The following ARHGEF10L variants were observed in gnomAD, a reference collection of about 807,000 sequenced individuals.
The protein encoded by ARHGEF10L is Rho guanine nucleotide exchange factor 10 like, also known as rho guanine nucleotide exchange factor 10-like protein.
Under a neutral mutation model 141.2 loss-of-function variants are expected in ARHGEF10L, and 69 were observed. That is an observed-to-expected ratio of 0.49 (90% confidence interval 0.40 to 0.60). ARHGEF10L has a LOEUF of 0.60. Among genes scored for constraint, ARHGEF10L ranks in the 20% least tolerant of loss-of-function variants. The pLI, the probability that ARHGEF10L is intolerant of heterozygous loss-of-function variation, is 0.00. For missense variants in ARHGEF10L, 1,482 were observed against 1,734.3 expected (o/e 0.85, Z 2.58); for synonymous variants, 711 against 718.5 (o/e 0.99, Z 0.17).
In ARHGEF10L at chr1:17,656,580, C is replaced by G; in HGVS notation, c.2732C>G (p.Thr911Ser). 1 of 1,613,270 alleles carries G rather than the reference C, an allele frequency of 6.2e-7. No homozygotes were observed. The highest frequency in any genetic ancestry group is 1.1e-5 in the South Asian group (1 of 91,014). ...GSILLYSSVD[T>S]GTQCLVSCRS... ...ATCCTCCTCTACAGCAGTGTGGACA[C>G]TGGCACCCAGTGCCTGGTGAGCTGC... The change falls in exon 25 of 29, where the codon ACT becomes AGT. Residue 911 changes from threonine (T) to serine (S), a missense_variant. Physicochemically the swap from Thr to Ser is moderately conservative, Grantham distance 58 (BLOSUM62 1). Coordinates refer to ENST00000361221, the MANE Select transcript of ARHGEF10L (RefSeq NM_018125.4). This position sits in a 1 kb window ranked among gnomAD's most constrained non-coding sequence, Gnocchi z 4.9.
intron 1 of ARHGEF10L, among the ~76,000 whole-genome samples, chr1:17,544,951 C>A (rs1293485476): frequency 6.6e-6 from 1 of 152,118 alleles, no homozygotes; most frequent in Non-Finnish European, 1.5e-5. Context: ...GACTTATTCA[C>A]TATCATGAGA....
chr1:17,672,556 G>T (rs1298936308), intron 26 of ARHGEF10L, among the ~76,000 whole-genome samples: 1 of 152,138 alleles, frequency 6.6e-6, no homozygotes, highest in Non-Finnish European at 1.5e-5. Context: ...GCTCTGCTCG[G>T]CAGTTTGTCT....
chr1:17,518,534 A>C, the ARHGEF10L span, among the ~76,000 whole-genome samples: 197 of 152,270 alleles, frequency 1.3e-3, 1 homozygote, highest in African/African-American at 4.5e-3. Flanking sequence ...GCTCAAGCCT[A>C]TAATCCCAGC....
chr1:17,688,840 T>G (rs981499472), intron 27 of ARHGEF10L, among the ~76,000 whole-genome samples: 14 of 151,940 alleles, frequency 9.2e-5, no homozygotes, highest in Admixed American at 9.2e-4. Context: ...CCCGAGGCCC[T>G]GGAAATCACC....
chr1:17,594,835 C>T (rs1376457801), intron 4 of ARHGEF10L, among the ~76,000 whole-genome samples: 1 of 152,110 alleles, frequency 6.6e-6, no homozygotes, highest in Non-Finnish European at 1.5e-5. Context: ...CACCGGATGG[C>T]ACTGTTGGTG....
intron 27 of ARHGEF10L, chr1:17,694,463 C>T (rs1294188937): frequency 3.3e-5 from 6 of 180,598 alleles, no homozygotes; most frequent in South Asian, 2.2e-4. Flanking sequence ...GGGGCCTGCC[C>T]CCACGCCCTC....
intron 27 of ARHGEF10L, among the ~76,000 whole-genome samples, chr1:17,689,111 G>GT: frequency 6.6e-6 from 1 of 152,202 alleles, no homozygotes; most frequent in East Asian, 1.9e-4. Flanking sequence ...CTTGCTCGTG[G>GT]TCATGCAGTA....
At chr1:17,622,916 G>A in intron 11 of ARHGEF10L, 80 bp from the exon 12 acceptor site, 6 of 1,474,298 alleles carry the variant, frequency 4.1e-6, no homozygotes, top group Non-Finnish European at 4.5e-6. Flanking sequence ...CCCATTCATG[G>A]CTGGCCGAGT....
intron 1 of ARHGEF10L, among the ~76,000 whole-genome samples, chr1:17,544,239 C>T (rs1182223620): frequency 6.6e-6 from 1 of 151,698 alleles, no homozygotes; most frequent in Non-Finnish European, 1.5e-5. Flanking sequence ...AATTATGAGC[C>T]ACTGTGACTG....
At chr1:17,696,353 G>A (rs1375050450) in intron 28 of ARHGEF10L, among the ~76,000 whole-genome samples, 1 of 152,096 alleles carries the variant, frequency 6.6e-6, no homozygotes. Flanking sequence ...GGATGAAATC[G>A]GGCAGAGACC....
intron 15 of ARHGEF10L, among the ~76,000 whole-genome samples, chr1:17,629,473 T>A (rs2060562588): frequency 6.6e-6 from 1 of 152,036 alleles, no homozygotes; most frequent in Non-Finnish European, 1.5e-5. Context: ...AGCCCCCGAG[T>A]GGCAGCTGCC....
chr1:17,518,939 G>A, the ARHGEF10L span, among the ~76,000 whole-genome samples: 1 of 152,024 alleles, frequency 6.6e-6, no homozygotes, highest in African/African-American at 2.4e-5. Flanking sequence ...GGAGGCCGAG[G>A]TGGGTGGATC....
intron 15 of ARHGEF10L, among the ~76,000 whole-genome samples, chr1:17,631,625 T>TGTGTCATCACACGTGACCC (rs912102297): frequency 2.6e-5 from 4 of 152,238 alleles, no homozygotes; most frequent in Non-Finnish European, 4.4e-5. Context: ...GGCCATGACC[T>TGTGTCATCACACGTGACCC]GTGTCATCAC....
At chr1:17,645,050 G>T (rs376938764) in intron 21 of ARHGEF10L, among the ~76,000 whole-genome samples, 3 of 152,304 alleles carry the variant, frequency 2.0e-5, no homozygotes, top group African/African-American at 4.8e-5. Flanking sequence ...GGTAGCGGGG[G>T]ATCTGCAACC....
At chr1:17,631,404 T>A (rs752291360) in intron 15 of ARHGEF10L, among the ~76,000 whole-genome samples, 41 of 152,210 alleles carry the variant, frequency 2.7e-4, no homozygotes, top group Non-Finnish European at 5.0e-4. Context: ...GCCTGGGGTG[T>A]GAAAGTCTTT....
intron 4 of ARHGEF10L, among the ~76,000 whole-genome samples, chr1:17,592,120 G>A (rs768827339): frequency 2.6e-5 from 4 of 152,186 alleles, no homozygotes; most frequent in African/African-American, 4.8e-5. Flanking sequence ...TGAAAGAGCA[G>A]CCCTGAGTAC....
At chr1:17,554,897 A>G (rs1261551653) in intron 1 of ARHGEF10L, among the ~76,000 whole-genome samples, 1 of 152,130 alleles carries the variant, frequency 6.6e-6, no homozygotes, top group Non-Finnish European at 1.5e-5. Context: ...GACCCTGGCC[A>G]CTTTCATGGG....
chr1:17,642,001 G>GA (rs79720576), intron 21 of ARHGEF10L, among the ~76,000 whole-genome samples: 41 of 144,582 alleles, frequency 2.8e-4, no homozygotes, highest in African/African-American at 4.3e-4. Flanking sequence ...AAAAAAAAAA[G>GA]AAAAAAAAAA....
At chr1:17,602,678 C>A (rs1247075899) in intron 5 of ARHGEF10L, among the ~76,000 whole-genome samples, 1 of 152,140 alleles carries the variant, frequency 6.6e-6, no homozygotes, top group African/African-American at 2.4e-5. Flanking sequence ...AGGGCCTCAT[C>A]TGTGGGGTGT....
Sources: gnomAD v4.1 joint callset for allele counts (sites outside exome capture counted in the v4.1 genomes callset) on GRCh38, gnomAD v4.1.1 for gene constraint, Gnocchi (gnomAD v3.1) non-coding constraint, MANE v1.5 for transcripts, NCBI Gene and HGNC (gene_info 2026-07-23, HGNC 2026-07-21) for gene names.